HTT: variants seen among roughly 807,000 people sequenced by gnomAD.
HTT encodes huntingtin, also known as huntington disease protein.
In HTT, 104 loss-of-function variants were observed where a neutral mutation model predicts 362.3. That is an observed-to-expected ratio of 0.29 (90% CI 0.24 to 0.34). HTT has a LOEUF of 0.34. Ranked by LOEUF, HTT falls within the 10% of genes least tolerant of loss-of-function variation. The probability of loss-of-function intolerance (pLI) is 1.00; values close to 1 mark genes in which losing one functional copy is unlikely to be tolerated. For synonymous variants in HTT, 1,577 were observed against 1,548.7 expected (o/e 1.02, Z -0.43); for missense variants, 3,301 against 3,928.6 (o/e 0.84, Z 4.27).
Position 3,239,045 on chromosome 4 carries a change from A to G in HTT, c.9215+67A>G, listed in dbSNP as rs1316259950. 5 of 1,490,488 alleles carry G rather than the reference A, an allele frequency of 3.4e-6. No individual in the cohort carries two copies. The East Asian group carries it at 9.6e-5, about 29-fold the overall frequency. 92.3% of individuals were successfully genotyped at this position (1,490,488 alleles called of 1,614,324 possible). A position where few individuals can be genotyped will look rare whatever the true frequency, so the allele number is the denominator to read the frequency against. ...TCAACACCGAGGCTCATGTTTCATG[A>G]TAAGGTTTTGAAACCTAACCTTTGC... is the stretch of plus-strand genomic sequence containing the variant. On this transcript the variant is annotated intron_variant, in intron 66 of 66. Transcript: ENST00000355072.
intron 31 of HTT, among the ~76,000 whole-genome samples, chr4:3,173,961 G>A (rs1718116952): frequency 1.3e-5 from 2 of 152,090 alleles, no homozygotes; most frequent in South Asian, 4.2e-4. Context: ...GTGAGCCACC[G>A]CGCCCGGCCT....
chr4:3,173,590 G>T (rs1283450918), intron 31 of HTT, among the ~76,000 whole-genome samples: 2 of 152,150 alleles, frequency 1.3e-5, no homozygotes, highest in African/African-American at 4.8e-5. Context: ...TCAGAGGTGT[G>T]TGAAGGCCAT....
intron 4 of HTT, 120 bp downstream of exon 4, chr4:3,104,003 G>C (rs1714289406): frequency 1.6e-6 from 1 of 632,964 alleles, no homozygotes; most frequent in Admixed American, 2.7e-5. Flanking sequence ...TTTGATACAG[G>C]TATACAATAC....
intron 25 of HTT, 148 bp from the exon 26 acceptor site, chr4:3,147,857 C>T (rs1716682971): frequency 1.7e-6 from 1 of 578,770 alleles, no homozygotes; most frequent in East Asian, 2.8e-5. Context: ...ACATCAGTTT[C>T]AGTTTGAGTT....
At position 3,125,619 on chromosome 4, in the gene HTT, T is replaced by C; in HGVS notation, c.1392T>C (p.Ser464=). 6.2e-7 allele frequency: 1 copy of C among 1,612,328 alleles called. No individual in the cohort carries two copies. Among genetic ancestry groups the C allele is most frequent in the South Asian group, 1.1e-5 (1 of 91,048 alleles). ...DSESRSDVSS[S]ALTASVKDEI... ...AATCGAGATCGGATGTCAGCAGCTC[T>C]GCCTTAACAGGTAGTTCTCACTAGT... is the stretch of plus-strand genomic sequence containing the variant. Residue 464 remains serine (S), a synonymous_variant, in exon 11 of 67, where the codon TCT becomes TCC. Transcript: ENST00000355072.
Position 3,172,273 on chromosome 4 carries a change from A to G in HTT, c.3865-47A>G, listed in dbSNP as rs149357326. On this transcript the variant is annotated intron_variant, in intron 29 of 66. Transcript: ENST00000355072. ...AATTTCTGTCTAGGATTCGTACAAT[A>G]ACGGGTCATCTCTGAGTCGCTTAAT... 3.4e-4 allele frequency: 345 copies of G among 1,024,390 alleles called. No homozygotes were observed. The African/African-American group carries it at 4.7e-3, about 14-fold the overall frequency. 63.5% of individuals were successfully genotyped at this position (1,024,390 alleles called of 1,614,324 possible). A position where few individuals can be genotyped will look rare whatever the true frequency, so the allele number is the denominator to read the frequency against.
chr4:3,220,079 G>A, intron 52 of HTT, 103 bp from the exon 53 acceptor site: 1 of 1,301,658 alleles, frequency 7.7e-7, no homozygotes, highest in Non-Finnish European at 1.1e-6. Flanking sequence ...TGTTGGGGTA[G>A]TGAGGAGGGA....
chr4:3,092,088 T>C (rs774524494), intron 2 of HTT, among the ~76,000 whole-genome samples: 1 of 152,216 alleles, frequency 6.6e-6, no homozygotes, highest in Non-Finnish European at 1.5e-5. Context: ...AATGGTGCGA[T>C]CTCGGCTCAC....
chr4:3,206,712 T>A lies in HTT; in HGVS notation c.5898+37T>A. ...TCCTGCCGACTATTGCCAGTTGCAGTTTTCCCTGCCTTAAAAATGGAGTAT... is the reference window on the plus strand; with the variant it reads ...TCCTGCCGACTATTGCCAGTTGCAGATTTCCCTGCCTTAAAAATGGAGTAT... On this transcript the variant is annotated intron_variant, in intron 43 of 66. Coordinates refer to ENST00000355072, the MANE Select transcript of HTT (RefSeq NM_001388492.1). This position sits in a 1 kb window ranked among gnomAD's most constrained non-coding sequence, Gnocchi z 4.6. The A allele has an allele frequency of 6.3e-7, 1 of 1,596,376 alleles. No individual in the cohort carries two copies. The highest frequency in any genetic ancestry group is 8.6e-7 in the Non-Finnish European group (1 of 1,167,128).
intron 2 of HTT, among the ~76,000 whole-genome samples, chr4:3,097,409 A>T (rs1433517498): frequency 6.6e-6 from 1 of 152,198 alleles, no homozygotes; most frequent in Non-Finnish European, 1.5e-5. Flanking sequence ...AGGTGGACAG[A>T]TCACCTGAGG....
intron 29 of HTT, among the ~76,000 whole-genome samples, chr4:3,171,972 G>T (rs912817249): frequency 6.6e-6 from 1 of 152,156 alleles, no homozygotes; most frequent in Non-Finnish European, 1.5e-5. Context: ...ATATTCAGGG[G>T]CTCTACAGAT....
At chr4:3,121,484 T>A in intron 9 of HTT, 52 bp downstream of exon 9, 4 of 1,235,724 alleles carry the variant, frequency 3.2e-6, no homozygotes, top group Non-Finnish European at 4.7e-6. Context: ...GTAATACTAG[T>A]TACACTCTAT....
chr4:3,168,905 G>T (rs1717837407), intron 29 of HTT, among the ~76,000 whole-genome samples: 1 of 152,070 alleles, frequency 6.6e-6, no homozygotes. Context: ...GATATGCCCT[G>T]ATGTAGTTTT....
At chr4:3,186,790 C>G (rs1047191027) in intron 38 of HTT, 71 bp downstream of exon 38, 4 of 1,535,020 alleles carry the variant, frequency 2.6e-6, no homozygotes, top group Non-Finnish European at 3.6e-6. Context: ...GGGACCACCC[C>G]CAGAATGTCT....
At chr4:3,080,230 G>C (rs6836289) in intron 1 of HTT, among the ~76,000 whole-genome samples, 5,839 of 152,106 alleles carry the variant, frequency 0.038, 343 homozygotes, top group African/African-American at 0.13. Context: ...AAGTAACTGG[G>C]ATTACAGGCG....
chr4:3,197,052 C>T (rs1719287651), intron 40 of HTT, among the ~76,000 whole-genome samples: 1 of 152,204 alleles, frequency 6.6e-6, no homozygotes, highest in Non-Finnish European at 1.5e-5. Context: ...CTAGGTCTCT[C>T]TCATCCTAGG....
intron 19 of HTT, among the ~76,000 whole-genome samples, chr4:3,134,921 C>G (rs1715989755): frequency 6.6e-6 from 1 of 151,192 alleles, no homozygotes; most frequent in Non-Finnish European, 1.5e-5. Flanking sequence ...TGGGGTCTTG[C>G]TATGTTGCCC....
rs577898092 is a variant in HTT at position 3,229,079 on chromosome 4, A to C, written c.8109+70A>C. 4,303 of 1,415,046 alleles carry C rather than the reference A, an allele frequency of 3.0e-3. 55 individuals carry two copies. Among genetic ancestry groups the C allele is most frequent in the South Asian group, 0.022 (1,745 of 80,332 alleles). The allele number at this position is 1,415,046 out of a possible 1,614,324, so 87.7% of individuals were successfully genotyped here. A position where few individuals can be genotyped will look rare whatever the true frequency, so the allele number is the denominator to read the frequency against. ...GCACCACACACGCCACACACCCCAC[A>C]CACACACACCGCCCACACACATGCC... On this transcript the variant is annotated intron_variant, in intron 59 of 66. Coordinates refer to ENST00000355072, the MANE Select transcript of HTT (RefSeq NM_001388492.1).
intron 37 of HTT, among the ~76,000 whole-genome samples, chr4:3,183,548 T>C (rs1250176505): frequency 1.3e-5 from 2 of 152,228 alleles, no homozygotes; most frequent in Non-Finnish European, 1.5e-5. Context: ...CATGTGATAT[T>C]GATGTTACTG....
Sources: gnomAD v4.1 joint callset for allele counts (sites outside exome capture counted in the v4.1 genomes callset) on GRCh38, gnomAD v4.1.1 for gene constraint, Gnocchi (gnomAD v3.1) non-coding constraint, MANE v1.5 for transcripts, NCBI Gene and HGNC (gene_info 2026-07-23, HGNC 2026-07-21) for gene names.